RXRB: variants seen among roughly 807,000 people sequenced by gnomAD.
The protein encoded by RXRB is retinoic acid receptor RXR-beta.
RXRB carries 18 observed loss-of-function variants against 52.5 expected under a neutral mutation model. The observed-to-expected ratio is 0.34, with a 90% confidence interval of 0.24 to 0.51. The LOEUF is 0.51. Among genes scored for constraint, RXRB ranks in the 20% least tolerant of loss-of-function variants. The pLI is 0.97. For missense variants in RXRB, 455 were observed against 698.2 expected (o/e 0.65, Z 3.92); for synonymous variants, 233 against 267.1 (o/e 0.87, Z 1.25).
Position 33,199,055 on chromosome 6 carries a change from G to A in RXRB, c.483+114C>T, listed in dbSNP as rs1562419164. ...TCATAAAGACCACAGGCCTGACAAG[G>A]TTAGAGGATTGGAAGGTCAATGGGC... On this transcript the variant is annotated intron_variant, in intron 2 of 9. Coordinates refer to ENST00000374680, the MANE Select transcript of RXRB (RefSeq NM_021976.5). 4.2e-6 allele frequency: 3 copies of A among 708,504 alleles called. No individual in the cohort carries two copies. In the East Asian group the frequency reaches 1.0e-4, roughly 24 times the overall value. The allele number at this position is 708,504 out of a possible 1,614,324, so 43.9% of individuals were successfully genotyped here.
At position 33,196,455 on chromosome 6, in the gene RXRB, T is replaced by TC; in HGVS notation, c.971dup (p.Thr325AsnfsTer4). On this transcript the variant is annotated frameshift_variant, in exon 5 of 10. Coordinates refer to ENST00000374680, the MANE Select transcript of RXRB (RefSeq NM_021976.5). LOFTEE classifies it high-confidence loss of function. This position sits in a 1 kb window ranked among gnomAD's most constrained non-coding sequence, Gnocchi z 4.0. ...TCACGCTGCTGCCGCTACCCCCGGTTCCCCCAGGACCCTCAACGCCCTGGT... is the reference window on the plus strand; with the variant it reads ...TCACGCTGCTGCCGCTACCCCCGGTTCCCCCCAGGACCCTCAACGCCCTGGT... 6.2e-7 allele frequency: 1 copy of TC among 1,612,982 alleles called. No individual in the cohort carries two copies. The highest frequency in any genetic ancestry group is 8.5e-7 in the Non-Finnish European group (1 of 1,180,018).
At position 33,200,198 on chromosome 6, in the gene RXRB, T is replaced by C. The variant is rs1300009883; in HGVS notation, c.235+44A>G. 6.3e-7 allele frequency: 1 copy of C among 1,596,986 alleles called. No individual in the cohort carries two copies. The highest frequency in any genetic ancestry group is 8.5e-7 in the Non-Finnish European group (1 of 1,172,110). On this transcript the variant is annotated intron_variant, in intron 1 of 9. Transcript: ENST00000374680. The surrounding 1 kb of genome is among the most constrained non-coding windows in gnomAD (Gnocchi z 6.3). ...GAGGGTGTGGGGGAGGGGTCGCAGA[T>C]AAAGCGGTCACTGGCTCGCCTGCCC...
chr6:33,196,210 G>C lies in RXRB; in HGVS notation c.994-174C>G, dbSNP rs1399906555. 5 of 954,462 alleles carry C rather than the reference G, an allele frequency of 5.2e-6. No homozygotes were observed. The highest frequency in any genetic ancestry group is 4.0e-5 in the Admixed American group (2 of 49,564). 59.1% of individuals were successfully genotyped at this position (954,462 alleles called of 1,614,324 possible). ...ATTAGTGCAAACAATTATTTATTTG[G>C]GACATGCCTATGGTTCTGCCAGTGG... On this transcript the variant is annotated intron_variant, in intron 5 of 9. Transcript: ENST00000374680. This position sits in a 1 kb window ranked among gnomAD's most constrained non-coding sequence, Gnocchi z 4.0.
chr6:33,194,736 G>A lies in RXRB; in HGVS notation c.1548C>T (p.Thr516=). The A allele has an allele frequency of 6.2e-7, 1 of 1,613,142 alleles. No individual in the cohort carries two copies. The highest frequency in any genetic ancestry group is 1.3e-5 in the African/African-American group (1 of 75,044). Residue 516 remains threonine, a synonymous_variant, in exon 10 of 10, where the codon ACC becomes ACT. Coordinates refer to ENST00000374680, the MANE Select transcript of RXRB (RefSeq NM_021976.5). This position sits in a 1 kb window ranked among gnomAD's most constrained non-coding sequence, Gnocchi z 4.1. ...HLFFFKLIGD[T]PIDTFLMEML... ...TCTCCATGAGGAAGGTGTCGATGGG[G>A]GTGTCACCAATGAGCTTGAAGAAAA... is the stretch of plus-strand genomic sequence containing the variant.
In RXRB at chr6:33,199,032, A is replaced by G. The variant is rs948977404; in HGVS notation, c.483+137T>C. ...CACCTCAGGAAAGGCAAGGGGTCTCATAAAGACCACAGGCCTGACAAGGTT... is the reference window on the plus strand; with the variant it reads ...CACCTCAGGAAAGGCAAGGGGTCTCGTAAAGACCACAGGCCTGACAAGGTT... On this transcript the variant is annotated intron_variant, in intron 2 of 9. Coordinates refer to ENST00000374680, the MANE Select transcript of RXRB (RefSeq NM_021976.5). The G allele has an allele frequency of 9.2e-6, 5 of 543,514 alleles. No homozygotes were observed. In the Admixed American group the frequency reaches 1.9e-4, roughly 21 times the overall value. 33.7% of individuals were successfully genotyped at this position (543,514 alleles called of 1,614,324 possible). A position where few individuals can be genotyped will look rare whatever the true frequency, so the allele number is the denominator to read the frequency against.
chr6:33,199,394 G>T lies in RXRB; in HGVS notation c.258C>A (p.Ser86=). 8.0e-7 allele frequency: 1 copy of T among 1,252,590 alleles called. No homozygotes were observed. The allele number at this position is 1,252,590 out of a possible 1,614,324, so 77.6% of individuals were successfully genotyped here. ...SGRDSRSPDS[S]SPNPLPQGVP... ...CTCCCTGGGGAAGGGGATTTGGGGA[G>T]GAGCTGTCTGGGCTTCGGGAGTCTG... Residue 86 remains serine (S), a synonymous_variant, in exon 2 of 10, where the codon TCC becomes TCA. Transcript: ENST00000374680.
In RXRB at chr6:33,196,255, C is replaced by A; in HGVS notation, c.993+179G>T. 1.1e-6 allele frequency: 1 copy of A among 913,532 alleles called. No individual in the cohort carries two copies. The highest frequency in any genetic ancestry group is 1.8e-6 in the Non-Finnish European group (1 of 561,642). The allele number at this position is 913,532 out of a possible 1,614,324, so 56.6% of individuals were successfully genotyped here. A position where few individuals can be genotyped will look rare whatever the true frequency, so the allele number is the denominator to read the frequency against. ...CAGTGGGTTGTTTGGGGAGTGGAGA[C>A]AGAAGGAGCTATCACATCCACCTCA... On this transcript the variant is annotated intron_variant, in intron 5 of 9. Transcript: ENST00000374680. This position sits in a 1 kb window ranked among gnomAD's most constrained non-coding sequence, Gnocchi z 4.0.
Position 33,197,215 on chromosome 6 carries a change from C to T in RXRB, c.820+547G>A, listed in dbSNP as rs575712633. 6.6e-6 allele frequency among the ~76,000 whole-genome samples: 1 copy of T among 152,330 alleles called. No individual in the cohort carries two copies. Among genetic ancestry groups the T allele is most frequent in the African/African-American group, 2.4e-5 (1 of 41,554 alleles). On this transcript the variant is annotated intron_variant, in intron 4 of 9. Coordinates refer to ENST00000374680, the MANE Select transcript of RXRB (RefSeq NM_021976.5). This position sits in a 1 kb window ranked among gnomAD's most constrained non-coding sequence, Gnocchi z 4.4. The stretch of plus-strand genomic sequence containing the variant: ...GCCTGCCACTCCTTTGTTGCATGAC[C>T]TTGGGAAAGCCAAGCCTCAGGCTCA...
intron 1 of RXRB, chr6:33,199,718 CCTCAT>C: frequency 2.3e-6 from 1 of 433,844 alleles, no homozygotes; most frequent in Non-Finnish European, 4.3e-6. Context: ...CAGCGTAACT[CCTCAT>C]TGTGGTGAGA....
Position 33,196,160 on chromosome 6 carries a change from C to A in RXRB, c.994-124G>T. Reference sequence around the variant, plus strand: ...CTGTGAGCCCCATCCAAACCAATCCCTGTAAGTGAGTCTTCTCTTCTGGCA... The same window carrying A: ...CTGTGAGCCCCATCCAAACCAATCCATGTAAGTGAGTCTTCTCTTCTGGCA... On this transcript the variant is annotated intron_variant, in intron 5 of 9. Transcript: ENST00000374680. The surrounding 1 kb of genome is among the most constrained non-coding windows in gnomAD (Gnocchi z 4.0). 1 of 1,237,600 alleles carries A rather than the reference C, an allele frequency of 8.1e-7. No individual in the cohort carries two copies. The highest frequency in any genetic ancestry group is 1.3e-5 in the South Asian group (1 of 76,156). The allele number at this position is 1,237,600 out of a possible 1,614,324, so 76.7% of individuals were successfully genotyped here. A position where few individuals can be genotyped will look rare whatever the true frequency, so the allele number is the denominator to read the frequency against.
At position 33,194,024 on chromosome 6, in the gene RXRB, A is replaced by G. The variant is rs1225124804; in HGVS notation, c.*658T>C. 1 of 152,230 alleles carries G rather than the reference A, an allele frequency of 6.6e-6. No homozygotes were observed. The highest frequency in any genetic ancestry group is 1.5e-5 in the Non-Finnish European group (1 of 68,060). The allele number at this position is 152,230 out of a possible 1,614,324, so 9.4% of individuals were successfully genotyped here. On this transcript the variant is annotated 3_prime_UTR_variant, in exon 10 of 10. Transcript: ENST00000374680. The surrounding 1 kb of genome is among the most constrained non-coding windows in gnomAD (Gnocchi z 4.1). ...CCTGGGAAAGTACAGTACTTCTTTG[A>G]GTCTAACTGCAAGTCTCTATCCTCA...
Position 33,196,035 on chromosome 6 carries a change from G to T in RXRB, c.995C>A (p.Pro332Gln). 1 of 1,613,026 alleles carries T rather than the reference G, an allele frequency of 6.2e-7. No homozygotes were observed. The highest frequency in any genetic ancestry group is 8.5e-7 in the Non-Finnish European group (1 of 1,180,018). ...ACAGATGTTAGTCACAGGGTCATTT[G>T]GCTGCAGGGGACGGGGGTAAGAGTT... Reference protein sequence around the residue: ...PGGTGGSGSSPNDPVTNICQA... With the variant: ...PGGTGGSGSSQNDPVTNICQA... Residue 332 changes from proline to glutamine, a missense_variant and splice_region_variant, in exon 6 of 10, where the codon CCA (proline) becomes CAA (glutamine). Around this residue, in one of 4 missense-constraint regions of RXRB, gnomAD observed 100 missense variants for 141.9 expected, o/e 0.70. Transcript: ENST00000374680. The surrounding 1 kb of genome is among the most constrained non-coding windows in gnomAD (Gnocchi z 4.0).
Position 33,197,978 on chromosome 6 carries a change from T to A in RXRB, c.641-37A>T. The A allele has an allele frequency of 1.3e-6, 2 of 1,591,848 alleles. No individual in the cohort carries two copies. Among genetic ancestry groups the A allele is most frequent in the Non-Finnish European group, 1.7e-6 (2 of 1,165,184 alleles). ...GGGGAGGAGCAATAAGAAGGTTGCA[T>A]GGAGACACCTTCACCATTTAGTCTG... On this transcript the variant is annotated intron_variant, in intron 3 of 9. Transcript: ENST00000374680. The surrounding 1 kb of genome is among the most constrained non-coding windows in gnomAD (Gnocchi z 4.4).
chr6:33,198,708 A>G, intron 2 of RXRB: 1 of 650,850 alleles, frequency 1.5e-6, no homozygotes, highest in Non-Finnish European at 2.8e-6. Flanking sequence ...GGGAAAGCAG[A>G]TGGGATCAAA....
Position 33,200,103 on chromosome 6 carries a change from G to C in RXRB, c.235+139C>G, listed in dbSNP as rs1774349427. The C allele has an allele frequency of 1.1e-5, 13 of 1,220,910 alleles. No individual in the cohort carries two copies. The highest frequency in any genetic ancestry group is 4.8e-5 in the South Asian group (4 of 83,192). The allele number at this position is 1,220,910 out of a possible 1,614,324, so 75.6% of individuals were successfully genotyped here. On this transcript the variant is annotated intron_variant, in intron 1 of 9. Coordinates refer to ENST00000374680, the MANE Select transcript of RXRB (RefSeq NM_021976.5). This position sits in a 1 kb window ranked among gnomAD's most constrained non-coding sequence, Gnocchi z 6.3. ...CCCGCCCCGGGGGGGAGGGTGCTAAGGCCCTCGGGAGGGAGGGGACGCGTG... is the reference window on the plus strand; with the variant it reads ...CCCGCCCCGGGGGGGAGGGTGCTAACGCCCTCGGGAGGGAGGGGACGCGTG...
In RXRB at chr6:33,195,546, C is replaced by A. The variant is rs1309312194; in HGVS notation, c.1256+24G>T. The A allele has an allele frequency of 6.2e-7, 1 of 1,612,968 alleles. No individual in the cohort carries two copies. Among genetic ancestry groups the A allele is most frequent in the African/African-American group, 1.3e-5 (1 of 74,928 alleles). ...TAGCCCCACCCCCTCTATCTACATG[C>A]CAGCCTAGCCGAGGGCCACTGACCG... On this transcript the variant is annotated intron_variant, in intron 7 of 9. Coordinates refer to ENST00000374680, the MANE Select transcript of RXRB (RefSeq NM_021976.5). The surrounding 1 kb of genome is among the most constrained non-coding windows in gnomAD (Gnocchi z 8.6).
At chr6:33,199,685 G>A in intron 1 of RXRB, 1 of 467,388 alleles carries the variant, frequency 2.1e-6, no homozygotes, top group Non-Finnish European at 3.9e-6. Flanking sequence ...TGCTATATTT[G>A]ACTGGCTAAA....
chr6:33,196,261 G>A lies in RXRB; in HGVS notation c.993+173C>T. Reference sequence around the variant, plus strand: ...GTTGTTTGGGGAGTGGAGACAGAAGGAGCTATCACATCCACCTCAGATGTT... The same window carrying A: ...GTTGTTTGGGGAGTGGAGACAGAAGAAGCTATCACATCCACCTCAGATGTT... On this transcript the variant is annotated intron_variant, in intron 5 of 9. Coordinates refer to ENST00000374680, the MANE Select transcript of RXRB (RefSeq NM_021976.5). This position sits in a 1 kb window ranked among gnomAD's most constrained non-coding sequence, Gnocchi z 4.0. 1 of 913,506 alleles carries A rather than the reference G, an allele frequency of 1.1e-6. No individual in the cohort carries two copies. The highest frequency in any genetic ancestry group is 1.3e-5 in the South Asian group (1 of 75,434). The allele number at this position is 913,506 out of a possible 1,614,324, so 56.6% of individuals were successfully genotyped here.
In RXRB at chr6:33,200,259, A is replaced by G. The variant is rs1440284627; in HGVS notation, c.218T>C (p.Met73Thr). 3 of 1,607,266 alleles carry G rather than the reference A, an allele frequency of 1.9e-6. No individual in the cohort carries two copies. Among genetic ancestry groups the G allele is most frequent in the Non-Finnish European group, 2.5e-6 (3 of 1,178,796 alleles). ...PEPGEAGRDGMGDSGRDSRSP... is the reference protein window; with the variant it reads ...PEPGEAGRDGTGDSGRDSRSP... ...GCACTCACCCCGCCCGCTGTCGCCC[A>G]TCCCGTCCCGTCCAGCCTCCCCTGG... Residue 73 changes from methionine to threonine, a missense_variant, in exon 1 of 10, where the codon ATG becomes ACG. Physicochemically the swap from Met to Thr is moderately conservative, Grantham distance 81 (BLOSUM62 -1). Transcript: ENST00000374680. The surrounding 1 kb of genome is among the most constrained non-coding windows in gnomAD (Gnocchi z 6.3).
Sources: allele counts gnomAD v4.1 joint callset (sites outside exome capture counted in the v4.1 genomes callset), GRCh38; gene constraint gnomAD v4.1.1; regional missense constraint gnomAD v4.1.1; non-coding constraint Gnocchi (gnomAD v3.1); transcripts MANE v1.5; gene names NCBI Gene and HGNC (gene_info 2026-07-23, HGNC 2026-07-21).